The following MYH15 variants were observed in gnomAD, a reference collection of about 807,000 sequenced individuals.
The protein encoded by MYH15 is myosin heavy chain 15.
Under a neutral mutation model 240.5 loss-of-function variants are expected in MYH15, and 227 were observed. The ratio of observed to expected loss-of-function variants is 0.94; its 90% confidence interval spans 0.85 to 1.05. The LOEUF is 1.05. Ranked by LOEUF, MYH15 falls within the 50% of genes least tolerant of loss-of-function variation. The pLI is 0.00. For missense variants in MYH15, 2,217 were observed against 2,247.5 expected (o/e 0.99, Z 0.27); for synonymous variants, 785 against 796.7 (o/e 0.99, Z 0.25).
At chr3:108,455,297 A>G (rs1004683443) in intron 20 of MYH15, among the ~76,000 whole-genome samples, 1 of 152,208 alleles carries the variant, frequency 6.6e-6, no homozygotes, top group African/African-American at 2.4e-5. Context: ...ATTTTTTGAT[A>G]GTGGGTTAAC....
intron 5 of MYH15, among the ~76,000 whole-genome samples, 194 bp downstream of exon 5, chr3:108,499,261 C>T (rs140953777): frequency 1.5e-3 from 221 of 152,300 alleles, no homozygotes; most frequent in Non-Finnish European, 2.1e-3. Context: ...TAGCTGACCC[C>T]ATATTTGGAG....
intron 33 of MYH15, among the ~76,000 whole-genome samples, chr3:108,400,660 T>G (rs2082496980): frequency 6.6e-6 from 1 of 151,964 alleles, no homozygotes; most frequent in Admixed American, 6.6e-5. Flanking sequence ...AATACAAATA[T>G]TAGCCAGGCG....
At chr3:108,405,939 C>T (rs2082543524) in intron 32 of MYH15, among the ~76,000 whole-genome samples, 1 of 152,094 alleles carries the variant, frequency 6.6e-6, no homozygotes, top group African/African-American at 2.4e-5. Flanking sequence ...CAAATATTGT[C>T]ATATGAAGAA....
Position 108,391,851 on chromosome 3 carries a change from T to C in MYH15, c.5339A>G (p.Gln1780Arg), listed in dbSNP as rs1480479864. ...HLERTRENME[Q>R]TITDLQKRLA... ...CCTTTTCTGTAAGTCTGTAATTGTCTGCTCCATATTTTCTCTTGTCCTTTC... is the reference window on the plus strand; with the variant it reads ...CCTTTTCTGTAAGTCTGTAATTGTCCGCTCCATATTTTCTCTTGTCCTTTC... Residue 1780 changes from glutamine to arginine, a missense_variant, in exon 37 of 41, where the codon CAG becomes CGG. Coordinates refer to ENST00000693548, the MANE Select transcript of MYH15 (RefSeq NM_014981.3). The C allele has an allele frequency of 6.2e-6, 10 of 1,614,074 alleles. No homozygotes were observed. The highest frequency in any genetic ancestry group is 8.5e-6 in the Non-Finnish European group (10 of 1,180,024).
Position 108,421,024 on chromosome 3 carries a change from T to C in MYH15, c.3829+64A>G, listed in dbSNP as rs2082678251. The stretch of plus-strand genomic sequence containing the variant: ...CTCAGTGGGTAGTTCATTATCTCAG[T>C]TGTGCCTTCATGAGTCTGCTGGGAT... On this transcript the variant is annotated intron_variant, in intron 28 of 40. Coordinates refer to ENST00000693548, the MANE Select transcript of MYH15 (RefSeq NM_014981.3). 7.5e-6 allele frequency: 12 copies of C among 1,603,220 alleles called. No homozygotes were observed. In the Admixed American group the frequency reaches 1.0e-4, roughly 13 times the overall value.
chr3:108,483,320 A>C (rs1156304110), intron 11 of MYH15, among the ~76,000 whole-genome samples: 4 of 152,120 alleles, frequency 2.6e-5, no homozygotes, highest in African/African-American at 9.7e-5. Context: ...ATGGCCGATA[A>C]GCACATAAAA....
In MYH15 at chr3:108,398,627, T is replaced by G. The variant is rs528651913; in HGVS notation, c.5133+10A>C. The G allele has an allele frequency of 2.5e-6, 4 of 1,612,428 alleles. No individual in the cohort carries two copies. The East Asian group carries it at 8.9e-5, about 36-fold the overall frequency. On this transcript the variant is annotated intron_variant, in intron 35 of 40. Transcript: ENST00000693548. ...TGGCCCAGCTAATAGGGAGAGTATA[T>G]GGGCCCCACCTGGGTATAGAAAAGA... is the stretch of plus-strand genomic sequence containing the variant.
intron 38 of MYH15, among the ~76,000 whole-genome samples, chr3:108,385,076 G>T (rs1266622945): frequency 6.6e-6 from 1 of 152,172 alleles, no homozygotes; most frequent in Non-Finnish European, 1.5e-5. Flanking sequence ...TCTGCCTGAA[G>T]CTATATCTGT....
intron 33 of MYH15, among the ~76,000 whole-genome samples, chr3:108,401,148 G>A (rs2082501074): frequency 6.6e-6 from 1 of 152,080 alleles, no homozygotes; most frequent in African/African-American, 2.4e-5. Context: ...TTTAGGAACT[G>A]CATTATGTCC....
At position 108,500,289 on chromosome 3, in the gene MYH15, G is replaced by A; in HGVS notation, c.340-15C>T. ...CCTGAATATGTCTGAGGGAAAATCAGAAAAGATTTCAGAAACTAGATTAGA... is the reference window on the plus strand; with the variant it reads ...CCTGAATATGTCTGAGGGAAAATCAAAAAAGATTTCAGAAACTAGATTAGA... On this transcript the variant is annotated splice_polypyrimidine_tract_variant and intron_variant, in intron 3 of 40. Coordinates refer to ENST00000693548, the MANE Select transcript of MYH15 (RefSeq NM_014981.3). The A allele has an allele frequency of 6.3e-7, 1 of 1,591,944 alleles. No homozygotes were observed. The highest frequency in any genetic ancestry group is 8.5e-7 in the Non-Finnish European group (1 of 1,169,930).
At chr3:108,446,494 C>T (rs1009325335) in intron 21 of MYH15, among the ~76,000 whole-genome samples, 4 of 152,114 alleles carry the variant, frequency 2.6e-5, no homozygotes, top group Admixed American at 6.6e-5. Context: ...AAAAGGTGTA[C>T]TACTTCAAAC....
intron 31 of MYH15, 117 bp from the exon 32 acceptor site, chr3:108,408,521 T>A: frequency 9.9e-7 from 1 of 1,010,732 alleles, no homozygotes; most frequent in Non-Finnish European, 1.4e-6. Flanking sequence ...CCACCCTTGG[T>A]AACTTGATGA....
chr3:108,483,202 TAA>T (rs58381577), intron 11 of MYH15, among the ~76,000 whole-genome samples: 64 of 81,092 alleles, frequency 7.9e-4, no homozygotes, highest in Middle Eastern at 0.014. Context: ...TCTGTCTCCA[TAA>T]AAAAAAAAAA....
rs368673941 is a variant in MYH15, at chr3:108,416,940, G to T, written c.3830-10C>A. The T allele has an allele frequency of 8.2e-6, 13 of 1,591,840 alleles. No individual in the cohort carries two copies. Among genetic ancestry groups the T allele is most frequent in the Non-Finnish European group, 9.5e-6 (11 of 1,160,926 alleles). The stretch of plus-strand genomic sequence containing the variant: ...CTCCGTAGGAACTCGCCTACAGAAA[G>T]ATTTCACAAAACTACATAATTACAG... On this transcript the variant is annotated splice_polypyrimidine_tract_variant and intron_variant, in intron 28 of 40. Transcript: ENST00000693548.
At chr3:108,531,221 G>T (rs2083708242), upstream of MYH15, among the ~76,000 whole-genome samples, 2 of 152,262 alleles carry the variant, frequency 1.3e-5, no homozygotes, top group African/African-American at 2.4e-5. Context: ...TACAAAGAAA[G>T]ATATTATTAT....
chr3:108,450,132 T>C (rs929848755), intron 21 of MYH15, among the ~76,000 whole-genome samples: 1 of 152,112 alleles, frequency 6.6e-6, no homozygotes, highest in Non-Finnish European at 1.5e-5. Flanking sequence ...ACAGCCATTA[T>C]GGAAAACAGT....
At position 108,501,692 on chromosome 3, in the gene MYH15, C is replaced by G. The variant is rs2083439552; in HGVS notation, c.339+20G>C. The G allele has an allele frequency of 6.2e-7, 1 of 1,613,326 alleles. No individual in the cohort carries two copies. The highest frequency in any genetic ancestry group is 1.7e-5 in the Admixed American group (1 of 60,006). ...TGTGACTGCCAACATGACAGTTTAG[C>G]AGGAAAGCATATTACACACATAGAT... On this transcript the variant is annotated intron_variant, in intron 3 of 40. Transcript: ENST00000693548.
intron 21 of MYH15, among the ~76,000 whole-genome samples, chr3:108,453,335 C>T (rs1330273005): frequency 1.3e-5 from 2 of 152,118 alleles, no homozygotes; most frequent in African/African-American, 2.4e-5. Flanking sequence ...AACAAATTGT[C>T]AATTAAACAA....
intron 30 of MYH15, among the ~76,000 whole-genome samples, chr3:108,413,903 G>C (rs2082613520): frequency 6.6e-6 from 1 of 152,058 alleles, no homozygotes; most frequent in African/African-American, 2.4e-5. Context: ...TGAAATACAG[G>C]GTTTTAAACG....
Sources: gnomAD v4.1 joint callset for allele counts (sites outside exome capture counted in the v4.1 genomes callset) on GRCh38, gnomAD v4.1.1 for gene constraint, MANE v1.5 for transcripts, NCBI Gene and HGNC (gene_info 2026-07-23, HGNC 2026-07-21) for gene names.